The following SGCZ variants were observed in gnomAD, a reference collection of about 807,000 sequenced individuals.
The protein encoded by SGCZ is zeta-sarcoglycan.
In SGCZ, 40 loss-of-function variants were observed where a neutral mutation model predicts 41.3. That is an observed-to-expected ratio of 0.97 (90% CI 0.75 to 1.26). The LOEUF (loss-of-function observed/expected upper bound fraction) is 1.26. Among genes scored for constraint, SGCZ ranks in the 50% most tolerant of loss-of-function variants. SGCZ has a pLI of 0.00. For synonymous variants in SGCZ, 206 were observed against 137.5 expected (o/e 1.50, Z -3.49); for missense variants, 552 against 369.8 (o/e 1.49, Z -4.04).
At chr8:15,079,426 C>T (rs1341869416) in intron 1 of SGCZ, among the ~76,000 whole-genome samples, 2 of 152,136 alleles carry the variant, frequency 1.3e-5, no homozygotes, top group Non-Finnish European at 2.9e-5. Flanking sequence ...CTTTTGGGTC[C>T]TGACTATTGC....
chr8:15,064,419 G>C (rs1365622583), intron 1 of SGCZ, among the ~76,000 whole-genome samples: 1 of 151,800 alleles, frequency 6.6e-6, no homozygotes, highest in Non-Finnish European at 1.5e-5. Flanking sequence ...CGATCCAGTA[G>C]TCCCATAGGT....
At chr8:14,909,513 T>G (rs2130774410) in intron 1 of SGCZ, among the ~76,000 whole-genome samples, 1 of 152,310 alleles carries the variant, frequency 6.6e-6, no homozygotes, top group Non-Finnish European at 1.5e-5. Context: ...CTGATTTATC[T>G]GTGCTAACCA....
intron 1 of SGCZ, among the ~76,000 whole-genome samples, chr8:14,979,057 C>A (rs2130877055): frequency 6.6e-6 from 1 of 152,280 alleles, no homozygotes; most frequent in East Asian, 1.9e-4. Context: ...CCTCAGCCTT[C>A]CAAAGTGCTA....
chr8:14,471,410 G>A (rs564452776), intron 2 of SGCZ, among the ~76,000 whole-genome samples: 27 of 152,096 alleles, frequency 1.8e-4, no homozygotes, highest in African/African-American at 6.3e-4. Flanking sequence ...CCACTTTTCT[G>A]ATAACAGCCA....
At chr8:14,609,560 T>G (rs190628944) in intron 1 of SGCZ, among the ~76,000 whole-genome samples, 71 of 152,290 alleles carry the variant, frequency 4.7e-4, no homozygotes, top group Non-Finnish European at 9.0e-4. Flanking sequence ...TTATCAACAC[T>G]ATATGAGGTT....
chr8:15,053,197 C>G (rs1447265025), intron 1 of SGCZ, among the ~76,000 whole-genome samples: 2 of 152,196 alleles, frequency 1.3e-5, no homozygotes, highest in African/African-American at 4.8e-5. Flanking sequence ...CATCCAAACA[C>G]TAATACCACA....
At chr8:14,958,731 A>G (rs1800872109) in intron 1 of SGCZ, among the ~76,000 whole-genome samples, 1 of 152,178 alleles carries the variant, frequency 6.6e-6, no homozygotes, top group Non-Finnish European at 1.5e-5. Context: ...CAAAAGTATA[A>G]AAACTAAAAA....
chr8:15,223,716 A>T (rs1801677601), intron 1 of SGCZ, among the ~76,000 whole-genome samples: 1 of 152,148 alleles, frequency 6.6e-6, no homozygotes, highest in Non-Finnish European at 1.5e-5. Flanking sequence ...CATAATCCTC[A>T]TTGTTTTTAC....
chr8:14,093,270 C>T (rs556293753), intron 7 of SGCZ, among the ~76,000 whole-genome samples: 58 of 146,690 alleles, frequency 4.0e-4, no homozygotes, highest in African/African-American at 1.5e-3. Context: ...TCCTGGTGGC[C>T]GATTTTTGTC....
intron 1 of SGCZ, among the ~76,000 whole-genome samples, chr8:14,691,892 T>C (rs1171957450): frequency 6.6e-6 from 1 of 151,988 alleles, no homozygotes; most frequent in Non-Finnish European, 1.5e-5. Context: ...GAAAATAAAT[T>C]ACAAATTTTG....
At chr8:14,567,485 AC>A (rs371489950) in intron 1 of SGCZ, among the ~76,000 whole-genome samples, 40 of 152,250 alleles carry the variant, frequency 2.6e-4, no homozygotes, top group African/African-American at 9.1e-4. Flanking sequence ...ACCAATCAGC[AC>A]CCTGTCAAAA....
intron 1 of SGCZ, among the ~76,000 whole-genome samples, chr8:15,172,154 G>GTTTTTTTTTTTTT (rs1183210302): frequency 2.2e-4 from 16 of 71,758 alleles, no homozygotes; most frequent in African/African-American, 5.6e-4. Flanking sequence ...TTTATACTCT[G>GTTTTTTTTTTTTT]TTTTTTTTTT....
intron 1 of SGCZ, among the ~76,000 whole-genome samples, chr8:14,777,026 T>G (rs1310821122): frequency 6.6e-6 from 1 of 152,234 alleles, no homozygotes; most frequent in Non-Finnish European, 1.5e-5. Flanking sequence ...TAGTCCAGCA[T>G]GTATTCTATC....
At chr8:14,498,460 A>G (rs566904335) in intron 2 of SGCZ, among the ~76,000 whole-genome samples, 1 of 152,240 alleles carries the variant, frequency 6.6e-6, no homozygotes, top group Admixed American at 6.5e-5. Flanking sequence ...ATCTATATTG[A>G]CAACCATGAC....
rs368736310 is a variant in SGCZ at position 14,637,243 on chromosome 8, ACT to A, written c.40-82319_40-82318del. Among the ~76,000 whole-genome samples the A allele has an allele frequency of 3.1e-3, 468 of 151,654 alleles. 1 individual carries two copies. The highest frequency in any genetic ancestry group is 0.01 in the African/African-American group (422 of 41,388). ...GTTTTCTAGACCCTGTCAACCAAAC[ACT>A]CTACCAGCACTTCAATTCATTATGT... is the stretch of plus-strand genomic sequence containing the variant. On this transcript the variant is annotated intron_variant, in intron 1 of 7. Transcript: ENST00000382080.
At chr8:14,280,524 A>G (rs1417168305) in intron 3 of SGCZ, among the ~76,000 whole-genome samples, 1 of 151,854 alleles carries the variant, frequency 6.6e-6, no homozygotes, top group African/African-American at 2.4e-5. Context: ...ATATGACTCA[A>G]AGAAGATATT....
chr8:14,464,843 T>C (rs1413160120), intron 2 of SGCZ, among the ~76,000 whole-genome samples: 6 of 151,630 alleles, frequency 4.0e-5, no homozygotes, highest in Admixed American at 6.6e-5. Flanking sequence ...CTTTTGATCA[T>C]TGGTTGTTCA....
At chr8:14,225,497 G>A (rs1563196697) in intron 4 of SGCZ, among the ~76,000 whole-genome samples, 1 of 152,074 alleles carries the variant, frequency 6.6e-6, no homozygotes, top group East Asian at 1.9e-4. Context: ...GATTAATGTT[G>A]AATTAGAAAT....
chr8:14,482,471 C>G (rs1372375118), intron 2 of SGCZ, among the ~76,000 whole-genome samples: 2 of 152,144 alleles, frequency 1.3e-5, no homozygotes, highest in Non-Finnish European at 2.9e-5. Context: ...TTACCGCTCT[C>G]AGAAACAAAA....
Sources: gnomAD v4.1 joint callset for allele counts (sites outside exome capture counted in the v4.1 genomes callset) on GRCh38, gnomAD v4.1.1 for gene constraint, MANE v1.5 for transcripts, NCBI Gene and HGNC (gene_info 2026-07-23, HGNC 2026-07-21) for gene names.